THAP12: variants seen among roughly 807,000 people sequenced by gnomAD.
THAP12 encodes the protein THAP domain containing 12, also known as 52 kDa repressor of the inhibitor of the protein kinase.
A neutral mutation model predicts 63.0 loss-of-function variants in THAP12; 20 were observed. That is an observed-to-expected ratio of 0.32 (90% CI 0.22 to 0.46). The LOEUF (loss-of-function observed/expected upper bound fraction) is 0.46, where lower values mean the gene tolerates loss of function less well. Ranked by LOEUF, THAP12 falls within the 20% of genes least tolerant of loss-of-function variation. The probability of loss-of-function intolerance (pLI) is 1.00; values close to 1 mark genes in which losing one functional copy is unlikely to be tolerated. For synonymous variants in THAP12, 264 were observed against 328.4 expected (o/e 0.80, Z 2.12); for missense variants, 568 against 908.2 (o/e 0.63, Z 4.81).
intron 1 of THAP12, among the ~76,000 whole-genome samples, chr11:76,375,533 T>G (rs1317746077): frequency 6.6e-6 from 1 of 152,154 alleles, no homozygotes; most frequent in Non-Finnish European, 1.5e-5. Flanking sequence ...ACCATACACT[T>G]TATTAATTAC....
At chr11:76,363,876 G>C (rs1038934935) in intron 2 of THAP12, among the ~76,000 whole-genome samples, 2 of 152,140 alleles carry the variant, frequency 1.3e-5, no homozygotes, top group East Asian at 3.8e-4. Flanking sequence ...AAAGTGCTGG[G>C]ATTACAGGTG....
chr11:76,358,336 T>G (rs1341626105), intron 3 of THAP12: 1 of 152,106 alleles, frequency 6.6e-6, no homozygotes, highest in East Asian at 1.9e-4. Context: ...ATTGACCAAT[T>G]GAATCCAATG....
chr11:76,353,231 T>TG (rs1364970748), intron 4 of THAP12, among the ~76,000 whole-genome samples: 1 of 152,190 alleles, frequency 6.6e-6, no homozygotes, highest in East Asian at 1.9e-4. Flanking sequence ...ATGTAATGAA[T>TG]GACAGTCCAT....
chr11:76,376,242 A>G (rs1269563949), intron 1 of THAP12, among the ~76,000 whole-genome samples: 1 of 152,220 alleles, frequency 6.6e-6, no homozygotes, highest in African/African-American at 2.4e-5. Context: ...TAATGTATAT[A>G]CCCCAAATCG....
chr11:76,372,671 A>AGG (rs936378376), intron 1 of THAP12, among the ~76,000 whole-genome samples: 2 of 151,804 alleles, frequency 1.3e-5, no homozygotes, highest in African/African-American at 4.8e-5. Flanking sequence ...GGATCACTTG[A>AGG]GGCTAGGAGT....
chr11:76,373,627 C>G (rs1590806823), intron 1 of THAP12, among the ~76,000 whole-genome samples: 1 of 151,588 alleles, frequency 6.6e-6, no homozygotes, highest in South Asian at 2.1e-4. Context: ...GTGGCTGAGG[C>G]TGGAAGATTG....
intron 2 of THAP12, among the ~76,000 whole-genome samples, chr11:76,365,002 C>T (rs896932305): frequency 4.6e-5 from 7 of 152,044 alleles, no homozygotes; most frequent in Admixed American, 3.3e-4. Flanking sequence ...TTACCTCAGC[C>T]GGGTGTGGAG....
chr11:76,373,534 T>C (rs1023418997), intron 1 of THAP12, among the ~76,000 whole-genome samples: 2 of 151,676 alleles, frequency 1.3e-5, no homozygotes, highest in African/African-American at 4.8e-5. Context: ...CTGGGCAACA[T>C]GGTGAGACCC....
At chr11:76,368,763 GT>G (rs1041315017) in intron 1 of THAP12, 1 of 152,034 alleles carries the variant, frequency 6.6e-6, no homozygotes, top group Non-Finnish European at 1.5e-5. Context: ...ACAAAAATAA[GT>G]TCCAAGTGAT....
At chr11:76,373,685 G>A (rs935409019) in intron 1 of THAP12, among the ~76,000 whole-genome samples, 12 of 150,110 alleles carry the variant, frequency 8.0e-5, no homozygotes, top group African/African-American at 2.7e-4. Flanking sequence ...TCCTGCCACT[G>A]CACTCCAGCC....
Position 76,380,785 on chromosome 11 carries a change from CG to C in THAP12, c.51del (p.Asp18ThrfsTer26). On this transcript the variant is annotated frameshift_variant, in exon 1 of 5. Coordinates refer to ENST00000260045, the MANE Select transcript of THAP12 (RefSeq NM_004705.4). LOFTEE classifies it high-confidence loss of function. ...CGCGGGAACCTGAAGAAGGCCAAGTCGGACTGCGTGCTCTTCCGCGTGCAGT... is the reference window on the plus strand; with the variant it reads ...CGCGGGAACCTGAAGAAGGCCAAGTCGACTGCGTGCTCTTCCGCGTGCAGT... Reference protein sequence around the residue: ...APNCTRKSTQSDLAFFRFPRD... With the variant: ...APNCTRKSTQXDLAFFRFPRD... The C allele has an allele frequency of 6.8e-7, 1 of 1,466,892 alleles. No individual in the cohort carries two copies. The highest frequency in any genetic ancestry group is 9.1e-7 in the Non-Finnish European group (1 of 1,103,838). The allele number at this position is 1,466,892 out of a possible 1,614,324, so 90.9% of individuals were successfully genotyped here.
At chr11:76,376,624 G>GTT (rs11300199) in intron 1 of THAP12, among the ~76,000 whole-genome samples, 1,866 of 130,832 alleles carry the variant, frequency 0.014, 71 homozygotes, top group African/African-American at 0.052. Flanking sequence ...TGTTTTTTTT[G>GTT]TTTTTTTTTT....
intron 1 of THAP12, among the ~76,000 whole-genome samples, chr11:76,366,463 G>T (rs879186331): frequency 1.3e-5 from 2 of 152,150 alleles, no homozygotes; most frequent in Non-Finnish European, 2.9e-5. Context: ...AGGCAGATCA[G>T]GAGGTCAGGA....
chr11:76,360,745 T>A (rs773846145), intron 3 of THAP12, among the ~76,000 whole-genome samples: 6 of 152,230 alleles, frequency 3.9e-5, no homozygotes, highest in Admixed American at 6.5e-5. Context: ...TCAACAAGTA[T>A]CAACTGGCTA....
Position 76,351,703 on chromosome 11 carries a change from T to G in THAP12, c.1447A>C (p.Ile483Leu), listed in dbSNP as rs747622790. Residue 483 changes from isoleucine to leucine, a missense_variant, in exon 5 of 5, where the codon ATT (isoleucine) becomes CTT (leucine). Transcript: ENST00000260045. ...AVSDFDFIVT[I>L]VVLKNVLSFT... ...GATAGGACATTTTTAAGAACAACAA[T>G]AGTAACAATGAAATCAAAATCTGAC... 2 of 1,602,992 alleles carry G rather than the reference T, an allele frequency of 1.2e-6. No individual in the cohort carries two copies. Among genetic ancestry groups the G allele is most frequent in the Non-Finnish European group, 1.7e-6 (2 of 1,175,566 alleles).
Position 76,352,084 on chromosome 11 carries a change from A to G in THAP12, c.1066T>C (p.Tyr356His), listed in dbSNP as rs748580385. Reference sequence around the variant, plus strand: ...AAGGCACAGGAAGAGCAGAGTGTGTAGATAGCTTGGGGATATTTCTCTAAA... The same window carrying G: ...AAGGCACAGGAAGAGCAGAGTGTGTGGATAGCTTGGGGATATTTCTCTAAA... ...RLLEKYPQAI[Y>H]TLCSSCALNM... Residue 356 changes from tyrosine to histidine, a missense_variant, in exon 5 of 5, where the codon TAC becomes CAC. By Grantham distance (83) the Tyr-to-His change is moderately conservative. Transcript: ENST00000260045. 6 of 1,612,028 alleles carry G rather than the reference A, an allele frequency of 3.7e-6. No individual in the cohort carries two copies. The highest frequency in any genetic ancestry group is 5.1e-6 in the Non-Finnish European group (6 of 1,179,838).
chr11:76,353,171 T>C (rs1946539393), intron 4 of THAP12, among the ~76,000 whole-genome samples: 2 of 152,176 alleles, frequency 1.3e-5, no homozygotes, highest in Admixed American at 6.5e-5. Flanking sequence ...AGGTGTGAGA[T>C]ACCACATCCG....
intron 1 of THAP12, among the ~76,000 whole-genome samples, chr11:76,369,178 T>G (rs1018730766): frequency 6.6e-6 from 1 of 152,132 alleles, no homozygotes; most frequent in Non-Finnish European, 1.5e-5. Context: ...AAATGCTAAT[T>G]AAAGCCAAAA....
intron 4 of THAP12, among the ~76,000 whole-genome samples, chr11:76,353,843 T>G (rs1160400276): frequency 1.3e-5 from 2 of 152,182 alleles, no homozygotes; most frequent in Admixed American, 1.3e-4. Flanking sequence ...ACCCCATCTC[T>G]ACTAAAAATA....
Sources: allele counts gnomAD v4.1 joint callset (sites outside exome capture counted in the v4.1 genomes callset), GRCh38; gene constraint gnomAD v4.1.1; transcripts MANE v1.5; gene names NCBI Gene and HGNC (gene_info 2026-07-23, HGNC 2026-07-21).